Variants in NRG3 observed in about 807,000 individuals in gnomAD.
The protein encoded by NRG3 is pro-neuregulin-3, membrane-bound isoform.
In NRG3, 31 loss-of-function variants were observed where a neutral mutation model predicts 66.9. That is an observed-to-expected ratio of 0.46 (90% CI 0.35 to 0.63). The LOEUF (loss-of-function observed/expected upper bound fraction) is 0.63. Among genes scored for constraint, NRG3 ranks in the 20% least tolerant of loss-of-function variants. NRG3 has a pLI of 0.00. For synonymous variants in NRG3, 393 were observed against 359.4 expected (o/e 1.09, Z -1.06); for missense variants, 910 against 878.9 (o/e 1.04, Z -0.45).
At chr10:82,350,362 A>T (rs2083353195) in intron 1 of NRG3, among the ~76,000 whole-genome samples, 1 of 152,242 alleles carries the variant, frequency 6.6e-6, no homozygotes, top group South Asian at 2.1e-4. Context: ...CAGGCTTTGT[A>T]ATAAATTATG....
chr10:82,294,590 A>G (rs374647179), intron 1 of NRG3, among the ~76,000 whole-genome samples: 3 of 152,276 alleles, frequency 2.0e-5, no homozygotes, highest in South Asian at 2.1e-4. Context: ...CTTGTTACAT[A>G]TAAAGACAAT....
chr10:81,954,404 A>G (rs750950513), intron 1 of NRG3, among the ~76,000 whole-genome samples: 1 of 152,162 alleles, frequency 6.6e-6, no homozygotes, highest in African/African-American at 2.4e-5. Flanking sequence ...ATTGCATGCA[A>G]TGGATGCTTC....
chr10:82,233,569 A>T (rs2076604887), intron 1 of NRG3, among the ~76,000 whole-genome samples: 1 of 152,128 alleles, frequency 6.6e-6, no homozygotes, highest in Non-Finnish European at 1.5e-5. Context: ...CAGTAGCCTA[A>T]AATGCCATCT....
intron 4 of NRG3, among the ~76,000 whole-genome samples, chr10:82,909,252 C>T (rs992754969): frequency 6.6e-6 from 1 of 152,164 alleles, no homozygotes; most frequent in Non-Finnish European, 1.5e-5. Context: ...CTAGAGATGA[C>T]CTTCAATGCA....
At chr10:82,482,519 G>A (rs2132159762) in intron 2 of NRG3, among the ~76,000 whole-genome samples, 1 of 152,262 alleles carries the variant, frequency 6.6e-6, no homozygotes, top group Non-Finnish European at 1.5e-5. Context: ...GGGGACTTGG[G>A]AGAGGTGTGG....
intron 1 of NRG3, among the ~76,000 whole-genome samples, chr10:82,343,789 A>G (rs988009120): frequency 1.5e-4 from 23 of 151,572 alleles, no homozygotes; most frequent in African/African-American, 2.9e-4. Flanking sequence ...TGTCCCCCCA[A>G]TGCCACCCTG....
chr10:82,747,234 T>C (rs1346613303), intron 3 of NRG3, among the ~76,000 whole-genome samples: 1 of 152,060 alleles, frequency 6.6e-6, no homozygotes, highest in Non-Finnish European at 1.5e-5. Flanking sequence ...TATTCTTTTA[T>C]AAATATTCCT....
chr10:82,600,703 C>T (rs1485340612), intron 2 of NRG3, among the ~76,000 whole-genome samples: 2 of 152,072 alleles, frequency 1.3e-5, no homozygotes, highest in East Asian at 3.9e-4. Flanking sequence ...CTCCTGACCT[C>T]GTGATCCTTT....
At chr10:82,877,036 A>G (rs569127697) in intron 4 of NRG3, among the ~76,000 whole-genome samples, 20 of 152,136 alleles carry the variant, frequency 1.3e-4, no homozygotes, top group Middle Eastern at 3.4e-3. Flanking sequence ...AAAAAAAAAA[A>G]AAAGAAAGAA....
chr10:82,233,191 C>T (rs1260198063), intron 1 of NRG3, among the ~76,000 whole-genome samples: 3 of 152,170 alleles, frequency 2.0e-5, no homozygotes, highest in East Asian at 1.9e-4. Flanking sequence ...GGTGAAACTC[C>T]GTCTCTACTA....
chr10:81,971,745 A>C (rs374928835), intron 1 of NRG3, among the ~76,000 whole-genome samples: 1 of 152,320 alleles, frequency 6.6e-6, no homozygotes, highest in East Asian at 1.9e-4. Context: ...CTTGAAAAGG[A>C]GATAAAGCTG....
At chr10:82,497,046 C>A (rs1220827106) in intron 2 of NRG3, among the ~76,000 whole-genome samples, 1 of 152,120 alleles carries the variant, frequency 6.6e-6, no homozygotes, top group Non-Finnish European at 1.5e-5. Context: ...CAGATTTGAA[C>A]TGACTGCCAG....
chr10:82,120,666 A>G (rs181661833), intron 1 of NRG3, among the ~76,000 whole-genome samples: 11 of 152,310 alleles, frequency 7.2e-5, no homozygotes, highest in African/African-American at 2.6e-4. Context: ...CTGGCATCCA[A>G]AATGGAATTA....
At chr10:82,700,033 G>A (rs534284495) in intron 2 of NRG3, among the ~76,000 whole-genome samples, 1 of 152,146 alleles carries the variant, frequency 6.6e-6, no homozygotes, top group African/African-American at 2.4e-5. Flanking sequence ...TCCTCAAGAA[G>A]AAATTCAACA....
At chr10:82,419,742 A>C (rs540514671) in intron 2 of NRG3, among the ~76,000 whole-genome samples, 46 of 152,226 alleles carry the variant, frequency 3.0e-4, no homozygotes, top group African/African-American at 1.0e-3. Flanking sequence ...AACAGAAAAC[A>C]GTCATGTGGT....
At chr10:82,173,916 C>T (rs1422643690) in intron 1 of NRG3, among the ~76,000 whole-genome samples, 5 of 152,096 alleles carry the variant, frequency 3.3e-5, no homozygotes, top group East Asian at 3.9e-4. Flanking sequence ...CTTCAAGACT[C>T]TTCATTGACT....
At position 82,249,824 on chromosome 10, in the gene NRG3, T is replaced by G. The variant is rs137976366; in HGVS notation, c.824-108915T>G. 2.4e-3 allele frequency among the ~76,000 whole-genome samples: 364 copies of G among 152,356 alleles called. 3 individuals carry two copies. Among genetic ancestry groups the G allele is most frequent in the African/African-American group, 7.9e-3 (328 of 41,578 alleles). On this transcript the variant is annotated intron_variant, in intron 1 of 8. Transcript: ENST00000372141. ...CAAAAGTAACTTTTTCTATCACATT[T>G]GGCTTAGGTTAAGATTCAAATCAAT...
At chr10:82,976,427 G>C (rs1274442505) in intron 7 of NRG3, among the ~76,000 whole-genome samples, 1 of 152,134 alleles carries the variant, frequency 6.6e-6, no homozygotes, top group Non-Finnish European at 1.5e-5. Context: ...GTGACAGAGA[G>C]GACCCTTTGA....
chr10:82,755,084 G>A (rs964683501), intron 3 of NRG3, among the ~76,000 whole-genome samples: 2 of 152,044 alleles, frequency 1.3e-5, no homozygotes. Flanking sequence ...TCAAGAGTGG[G>A]GAGATATATC....
Sources: gnomAD v4.1 joint callset for allele counts (sites outside exome capture counted in the v4.1 genomes callset) on GRCh38, gnomAD v4.1.1 for gene constraint, MANE v1.5 for transcripts, NCBI Gene and HGNC (gene_info 2026-07-23, HGNC 2026-07-21) for gene names.